The following PRKG1 variants were observed in gnomAD, a reference collection of about 807,000 sequenced individuals.
PRKG1 encodes the protein cGMP-dependent protein kinase 1.
In PRKG1, 35 loss-of-function variants were observed where a neutral mutation model predicts 88.1. The observed-to-expected ratio is 0.40, with a 90% CI of 0.30 to 0.53. PRKG1 has a LOEUF of 0.53. Among genes scored for constraint, PRKG1 ranks in the 20% least tolerant of loss-of-function variants. The pLI is 0.59. For missense variants in PRKG1, 540 were observed against 839.8 expected (o/e 0.64, Z 4.41); for synonymous variants, 303 against 292.5 (o/e 1.04, Z -0.37).
At position 51,830,069 on chromosome 10, in the gene PRKG1, A is replaced by ACCT. The variant is rs1839966614; in HGVS notation, c.698+25379_698+25380insCCT. 1.4e-4 allele frequency among the ~76,000 whole-genome samples: 21 copies of ACCT among 152,296 alleles called. No homozygotes were observed. The South Asian group carries it at 3.9e-3, about 29-fold the overall frequency. On this transcript the variant is annotated intron_variant, in intron 4 of 17. Transcript: ENST00000373980. ...ATTTACATGGTGACCACTTCGGGAA[A>ACCT]GGGTGAAAAGATTTCCTGGGAGAGT...
chr10:52,157,889 C>A (rs1445468097), intron 8 of PRKG1, among the ~76,000 whole-genome samples: 2 of 151,540 alleles, frequency 1.3e-5, no homozygotes, highest in Non-Finnish European at 3.0e-5. Context: ...TTCCCATTTG[C>A]TCTCTTTCAA....
chr10:52,290,152 C>A, intron 16 of PRKG1, 72 bp from the exon 17 acceptor site: 1 of 1,324,208 alleles, frequency 7.6e-7, no homozygotes, highest in Non-Finnish European at 1.1e-6. Context: ...TAGCCATGGA[C>A]ATTGTATACA....
At chr10:51,005,235 T>C (rs1842929436) in intron 1 of PRKG1, among the ~76,000 whole-genome samples, 1 of 152,064 alleles carries the variant, frequency 6.6e-6, no homozygotes, top group Admixed American at 6.6e-5. Context: ...CAGCCTACTC[T>C]TGTGCAGGAG....
chr10:51,215,704 T>C (rs1838354571), intron 2 of PRKG1, among the ~76,000 whole-genome samples: 2 of 152,236 alleles, frequency 1.3e-5, no homozygotes, highest in Non-Finnish European at 2.9e-5. Context: ...TCCATCCCTC[T>C]CTTCTTCCCT....
chr10:51,999,355 C>G (rs565230857), intron 5 of PRKG1, among the ~76,000 whole-genome samples: 1 of 152,228 alleles, frequency 6.6e-6, no homozygotes, highest in South Asian at 2.1e-4. Context: ...GAGAACAGAC[C>G]CATATGATGG....
Position 51,595,350 on chromosome 10 carries a change from G to T in PRKG1, c.592+127514G>T, listed in dbSNP as rs180901248. Among the ~76,000 whole-genome samples, 24 of 152,150 alleles carry T rather than the reference G, an allele frequency of 1.6e-4. No homozygotes were observed. The East Asian group carries it at 4.6e-3, about 29-fold the overall frequency. The stretch of plus-strand genomic sequence containing the variant: ...AAATAAACAGATAAAAATAGGTCAG[G>T]TGTGGTGGTGGCTCATGCCTGTAAT... On this transcript the variant is annotated intron_variant, in intron 3 of 17. Transcript: ENST00000373980.
intron 1 of PRKG1, among the ~76,000 whole-genome samples, chr10:51,067,580 A>G (rs369333253): frequency 1.3e-3 from 200 of 152,174 alleles, no homozygotes; most frequent in African/African-American, 4.6e-3. Context: ...GTCAACATAG[A>G]TGATTTTCTA....
chr10:51,306,683 A>G (rs773773501), intron 2 of PRKG1: 1 of 152,202 alleles, frequency 6.6e-6, no homozygotes. Context: ...ACTTAGTCTC[A>G]TCGTTCTTCT....
At chr10:52,111,108 A>G (rs1847553273) in intron 7 of PRKG1, among the ~76,000 whole-genome samples, 1 of 152,182 alleles carries the variant, frequency 6.6e-6, no homozygotes, top group South Asian at 2.1e-4. Flanking sequence ...CAAATAATTT[A>G]TTTATCTTAC....
At chr10:51,991,974 G>A (rs746706313) in intron 5 of PRKG1, among the ~76,000 whole-genome samples, 8 of 152,074 alleles carry the variant, frequency 5.3e-5, no homozygotes, top group Non-Finnish European at 1.2e-4. Context: ...TTATTGTATT[G>A]GATGGTATAT....
At chr10:51,649,820 T>C (rs1169053927) in intron 3 of PRKG1, among the ~76,000 whole-genome samples, 1 of 152,196 alleles carries the variant, frequency 6.6e-6, no homozygotes, top group Non-Finnish European at 1.5e-5. Context: ...GCTCACCTCA[T>C]GTAACTGAAG....
intron 7 of PRKG1, among the ~76,000 whole-genome samples, chr10:52,071,669 G>A (rs1589579255): frequency 1.5e-5 from 2 of 130,852 alleles, no homozygotes; most frequent in South Asian, 2.9e-4. Flanking sequence ...CTTGGGTGGG[G>A]GTGGGGGTGG....
Position 51,271,183 on chromosome 10 carries a change from A to AT in PRKG1, c.478+117854dup, listed in dbSNP as rs762696795. Reference sequence around the variant, plus strand: ...AATGTCTGTGGTATGAAGAGAAGCTATATATGACTAGATGGTTGGGGGGGA... The same window carrying AT: ...AATGTCTGTGGTATGAAGAGAAGCTATTATATGACTAGATGGTTGGGGGGGA... On this transcript the variant is annotated intron_variant, in intron 2 of 17. Coordinates refer to ENST00000373980, the MANE Select transcript of PRKG1 (RefSeq NM_006258.4). Among the ~76,000 whole-genome samples, 7 of 152,278 alleles carry AT rather than the reference A, an allele frequency of 4.6e-5. No homozygotes were observed. The South Asian group carries it at 1.4e-3, about 32-fold the overall frequency.
chr10:51,444,468 G>A (rs1564498233), intron 2 of PRKG1, among the ~76,000 whole-genome samples: 1 of 151,830 alleles, frequency 6.6e-6, no homozygotes, highest in Non-Finnish European at 1.5e-5. Flanking sequence ...CAGATTTAAA[G>A]CTACAATCAA....
At chr10:51,851,355 G>T (rs1267559878) in intron 4 of PRKG1, among the ~76,000 whole-genome samples, 1 of 152,160 alleles carries the variant, frequency 6.6e-6, no homozygotes, top group Admixed American at 6.5e-5. Context: ...GGGTGGGGTT[G>T]TTGCTACTGG....
intron 2 of PRKG1, among the ~76,000 whole-genome samples, chr10:51,154,713 TGTCAA>T (rs1388237398): frequency 6.6e-6 from 1 of 151,998 alleles, no homozygotes; most frequent in Non-Finnish European, 1.5e-5. Flanking sequence ...TCACCTTCTA[TGTCAA>T]CAATATAAAA....
chr10:51,989,760 G>C (rs1019280268), intron 5 of PRKG1, among the ~76,000 whole-genome samples: 1 of 152,012 alleles, frequency 6.6e-6, no homozygotes, highest in African/African-American at 2.4e-5. Flanking sequence ...CCAAAAATCA[G>C]ACTCATCTTT....
chr10:51,795,622 T>C (rs1029031056), intron 3 of PRKG1, among the ~76,000 whole-genome samples: 5 of 152,082 alleles, frequency 3.3e-5, no homozygotes, highest in African/African-American at 1.2e-4. Context: ...TCAAGGTCTC[T>C]CCCAATCTTC....
chr10:52,099,100 G>A (rs1222804800), intron 7 of PRKG1, among the ~76,000 whole-genome samples: 2 of 152,108 alleles, frequency 1.3e-5, no homozygotes, highest in African/African-American at 4.8e-5. Context: ...TAAAATAGCT[G>A]GACTGTTACA....
Sources: allele counts gnomAD v4.1 joint callset (sites outside exome capture counted in the v4.1 genomes callset), GRCh38; gene constraint gnomAD v4.1.1; transcripts MANE v1.5; gene names NCBI Gene and HGNC (gene_info 2026-07-23, HGNC 2026-07-21).